The following GABBR2 variants were observed in gnomAD, a reference collection of about 807,000 sequenced individuals.
GABBR2 encodes the protein gamma-aminobutyric acid type B receptor subunit 2.
In GABBR2, 23 loss-of-function variants were observed where a neutral mutation model predicts 105.6. The observed-to-expected ratio is 0.22, with a 90% CI of 0.16 to 0.31. The LOEUF (loss-of-function observed/expected upper bound fraction) is 0.31. Ranked by LOEUF, GABBR2 falls within the 10% of genes least tolerant of loss-of-function variation. The pLI is 1.00. For synonymous variants in GABBR2, 478 were observed against 499.7 expected, an observed-to-expected ratio of 0.96 and a Z score of 0.58; for missense variants, 734 against 1,245.5, an observed-to-expected ratio of 0.59 and a Z score of 6.18.
intron 1 of GABBR2, among the ~76,000 whole-genome samples, chr9:98,637,984 T>A (rs1042338335): frequency 2.0e-5 from 3 of 152,126 alleles, no homozygotes; most frequent in African/African-American, 7.2e-5. Flanking sequence ...AACTTAAGGA[T>A]AGGTGTTTTT....
intron 7 of GABBR2, among the ~76,000 whole-genome samples, chr9:98,452,450 C>T (rs1426147365): frequency 6.6e-6 from 1 of 152,186 alleles, no homozygotes; most frequent in Non-Finnish European, 1.5e-5. Flanking sequence ...AGTTCAAATC[C>T]CACTTGACCC....
intron 2 of GABBR2, among the ~76,000 whole-genome samples, chr9:98,556,434 A>G (rs1828585148): frequency 6.6e-6 from 1 of 152,182 alleles, no homozygotes; most frequent in African/African-American, 2.4e-5. Context: ...GAGACTCCAC[A>G]CCTCTGAAAT....
At chr9:98,510,232 T>A (rs1464378542) in intron 3 of GABBR2, among the ~76,000 whole-genome samples, 1 of 152,216 alleles carries the variant, frequency 6.6e-6, no homozygotes, top group Non-Finnish European at 1.5e-5. Context: ...AGAGATTTTG[T>A]CACCACCAGG....
chr9:98,380,934 A>G (rs1206472020), intron 11 of GABBR2, among the ~76,000 whole-genome samples: 2 of 152,222 alleles, frequency 1.3e-5, no homozygotes, highest in South Asian at 2.1e-4. Flanking sequence ...AAAAGGGAGA[A>G]AAAAGCGGCA....
At chr9:98,391,870 A>C (rs1281066806) in intron 9 of GABBR2, among the ~76,000 whole-genome samples, 1 of 152,170 alleles carries the variant, frequency 6.6e-6, no homozygotes, top group Non-Finnish European at 1.5e-5. Context: ...CTGGCATGAC[A>C]GCAAGGGCAC....
At chr9:98,291,107 G>GT (rs1564004188) in intron 18 of GABBR2, among the ~76,000 whole-genome samples, 2 of 152,184 alleles carry the variant, frequency 1.3e-5, no homozygotes, top group Non-Finnish European at 2.9e-5. Flanking sequence ...TGAAAATATC[G>GT]TAAGTTGAAA....
At chr9:98,425,796 C>G (rs968195543) in intron 7 of GABBR2, among the ~76,000 whole-genome samples, 1 of 152,188 alleles carries the variant, frequency 6.6e-6, no homozygotes, top group Non-Finnish European at 1.5e-5. Context: ...ACTTCCCCTC[C>G]AACCCCAGCA....
At chr9:98,416,792 T>C (rs1199036143) in intron 7 of GABBR2, among the ~76,000 whole-genome samples, 1 of 152,246 alleles carries the variant, frequency 6.6e-6, no homozygotes, top group Non-Finnish European at 1.5e-5. Context: ...ATCCGTTGAC[T>C]GCTTCAGTGC....
intron 7 of GABBR2, among the ~76,000 whole-genome samples, chr9:98,440,870 T>C (rs904452723): frequency 6.6e-6 from 1 of 152,240 alleles, no homozygotes; most frequent in African/African-American, 2.4e-5. Context: ...CTCCTGATTT[T>C]AGAAAACTTC....
intron 7 of GABBR2, among the ~76,000 whole-genome samples, chr9:98,428,758 TG>T (rs1408708596): frequency 1.3e-5 from 2 of 152,144 alleles, no homozygotes; most frequent in Non-Finnish European, 2.9e-5. Flanking sequence ...ATAAGGAAAA[TG>T]GGTTCCCTTT....
At chr9:98,685,677 A>C (rs1830611552) in intron 1 of GABBR2, among the ~76,000 whole-genome samples, 1 of 152,160 alleles carries the variant, frequency 6.6e-6, no homozygotes, top group Admixed American at 6.5e-5. Flanking sequence ...CCTTGATTAA[A>C]CTATAGTTTT....
Position 98,324,493 on chromosome 9 carries a change from GACACACACACACACACACACACAC to G in GABBR2, c.1894-13312_1894-13289del, listed in dbSNP as rs3983548. Among the ~76,000 whole-genome samples the G allele has an allele frequency of 4.9e-5, 7 of 143,268 alleles. No homozygotes were observed. In the East Asian group the frequency reaches 6.0e-4, roughly 12 times the overall value. 94.0% of individuals were successfully genotyped at this position (143,268 alleles called of 152,430 possible). A position where few individuals can be genotyped will look rare whatever the true frequency, so the allele number is the denominator to read the frequency against. On this transcript the variant is annotated intron_variant, in intron 13 of 18. Transcript: ENST00000259455. ...CAGTAAGACAAAAGACTACAGAGCC[GACACACACACACACACACACACAC>G]ACACACACACACACACACACACACA...
chr9:98,513,434 C>G (rs200431018), intron 3 of GABBR2, among the ~76,000 whole-genome samples: 1 of 151,780 alleles, frequency 6.6e-6, no homozygotes, highest in African/African-American at 2.4e-5. Context: ...AGAACTTCTG[C>G]ACAGCAAAAG....
At chr9:98,320,066 G>C (rs557080558) in intron 13 of GABBR2, among the ~76,000 whole-genome samples, 5 of 151,998 alleles carry the variant, frequency 3.3e-5, no homozygotes. Context: ...GAAAATTTTC[G>C]CAACCTACTC....
At chr9:98,691,004 G>A (rs998951847) in intron 1 of GABBR2, among the ~76,000 whole-genome samples, 1 of 152,202 alleles carries the variant, frequency 6.6e-6, no homozygotes, top group Non-Finnish European at 1.5e-5. Flanking sequence ...CCTTCATCAA[G>A]AAAGCCATTA....
chr9:98,291,870 C>T (rs2131333480), intron 18 of GABBR2, among the ~76,000 whole-genome samples: 1 of 152,356 alleles, frequency 6.6e-6, no homozygotes, highest in East Asian at 1.9e-4. Context: ...CCTTCCTCTG[C>T]TAAGCAGAAC....
At chr9:98,376,126 T>C (rs1200098487) in intron 11 of GABBR2, among the ~76,000 whole-genome samples, 2 of 152,112 alleles carry the variant, frequency 1.3e-5, no homozygotes, top group Non-Finnish European at 2.9e-5. Context: ...CAGTCCCAGC[T>C]ATGAAAAAGG....
At position 98,642,657 on chromosome 9, in the gene GABBR2, C is replaced by T. The variant is rs139830372; in HGVS notation, c.322-64585G>A. ...AGTGAGACATCATATTATTTTAGCA[C>T]ATCTTGAGCAGGAATTTTTAATGGA... is the stretch of plus-strand genomic sequence containing the variant. On this transcript the variant is annotated intron_variant, in intron 1 of 18. Transcript: ENST00000259455. 3.3e-4 allele frequency among the ~76,000 whole-genome samples: 50 copies of T among 152,284 alleles called. No homozygotes were observed. In the East Asian group the frequency reaches 8.3e-3, roughly 25 times the overall value.
At chr9:98,367,989 T>C (rs1339933647) in intron 12 of GABBR2, among the ~76,000 whole-genome samples, 1 of 152,152 alleles carries the variant, frequency 6.6e-6, no homozygotes, top group Admixed American at 6.5e-5. Flanking sequence ...AGTGGAGAGT[T>C]CAGTGCCATT....
Sources: allele counts gnomAD v4.1 joint callset (sites outside exome capture counted in the v4.1 genomes callset), GRCh38; gene constraint gnomAD v4.1.1; transcripts MANE v1.5; gene names NCBI Gene and HGNC (gene_info 2026-07-23, HGNC 2026-07-21).